The following KLRG1 variants were observed in gnomAD, a reference collection of about 807,000 sequenced individuals.
KLRG1 encodes the protein killer cell lectin like receptor G1.
KLRG1 carries 16 observed loss-of-function variants against 21.8 expected under a neutral mutation model. The observed-to-expected ratio is 0.73, with a 90% CI of 0.50 to 1.11. KLRG1 has a LOEUF of 1.11. Ranked by LOEUF, KLRG1 falls within the 50% of genes most tolerant of loss-of-function variation. The pLI, the probability that KLRG1 is intolerant of heterozygous loss-of-function variation, is 0.00. For missense variants in KLRG1, 173 were observed against 218.3 expected, an observed-to-expected ratio of 0.79 and a Z score of 1.31; for synonymous variants, 69 against 75.9, an observed-to-expected ratio of 0.91 and a Z score of 0.47.
chr12:9,160,324 A>T, the KLRG1 span: 6 of 1,610,312 alleles, frequency 3.7e-6, no homozygotes, highest in African/African-American at 8.0e-5. Context: ...CAGTGATGAG[A>T]TAGCCAACGG....
At chr12:9,021,870 C>G in the KLRG1 span, among the ~76,000 whole-genome samples, 1 of 152,140 alleles carries the variant, frequency 6.6e-6, no homozygotes. Flanking sequence ...CCTTCTTCTG[C>G]AACACCTCCT....
the KLRG1 span, chr12:9,058,598 C>G: frequency 6.6e-6 from 1 of 152,160 alleles, no homozygotes; most frequent in African/African-American, 2.4e-5. Context: ...CTGGCCTCCC[C>G]CAACCCTCTT....
chr12:8,985,812 T>C (rs1417551180), upstream of KLRG1, among the ~76,000 whole-genome samples: 1 of 152,216 alleles, frequency 6.6e-6, no homozygotes, highest in East Asian at 1.9e-4. Flanking sequence ...GACACAGTTC[T>C]CTTGGGTTTT....
the KLRG1 span, among the ~76,000 whole-genome samples, chr12:9,168,091 ACAAT>A: frequency 6.6e-6 from 1 of 152,330 alleles, no homozygotes; most frequent in Admixed American, 6.5e-5. Flanking sequence ...TGCTATTTAA[ACAAT>A]CAAAGTTCTT....
the KLRG1 span, among the ~76,000 whole-genome samples, chr12:9,207,728 A>G: frequency 1.3e-5 from 2 of 152,218 alleles, no homozygotes; most frequent in Non-Finnish European, 2.9e-5. Flanking sequence ...TCTAGACACT[A>G]TAGAGGAGAG....
chr12:9,023,342 A>G, the KLRG1 span, among the ~76,000 whole-genome samples: 2 of 152,196 alleles, frequency 1.3e-5, no homozygotes, highest in Non-Finnish European at 2.9e-5. Context: ...ATTTGGTCAC[A>G]AAAGCATTTT....
At chr12:9,180,839 A>G in the KLRG1 span, 1 of 761,222 alleles carries the variant, frequency 1.3e-6, no homozygotes, top group Non-Finnish European at 2.0e-6. Flanking sequence ...ACAGCAAAAG[A>G]AACTACCATC....
At chr12:9,168,244 A>G in the KLRG1 span, among the ~76,000 whole-genome samples, 1 of 152,198 alleles carries the variant, frequency 6.6e-6, no homozygotes, top group African/African-American at 2.4e-5. Flanking sequence ...CACTTCACAT[A>G]TAGGATATCT....
At chr12:9,020,779 C>T in the KLRG1 span, among the ~76,000 whole-genome samples, 2 of 152,078 alleles carry the variant, frequency 1.3e-5, no homozygotes, top group African/African-American at 2.4e-5. Context: ...GGCTAAATGC[C>T]TAGGAAGTGG....
the KLRG1 span, chr12:9,196,245 TA>T: frequency 1.1e-6 from 1 of 886,792 alleles, no homozygotes; most frequent in Non-Finnish European, 1.8e-6. Context: ...CTGATAACAC[TA>T]ACCAAGTGTG....
At chr12:8,993,005 G>A (rs1453514992) in intron 2 of KLRG1, among the ~76,000 whole-genome samples, 1 of 150,238 alleles carries the variant, frequency 6.7e-6, no homozygotes, top group Non-Finnish European at 1.5e-5. Flanking sequence ...TATTTATTGG[G>A]ATGATTGAAT....
chr12:8,970,144 A>G (rs1423906836), intron 1 of KLRG1, among the ~76,000 whole-genome samples: 1 of 152,134 alleles, frequency 6.6e-6, no homozygotes, highest in Non-Finnish European at 1.5e-5. Context: ...AAGCAAAACA[A>G]CCACGATAAT....
intron 4 of KLRG1, 91 bp downstream of exon 4, chr12:9,009,166 T>C: frequency 2.0e-6 from 2 of 1,012,388 alleles, no homozygotes; most frequent in Non-Finnish European, 2.9e-6. Context: ...GAAGAGCAGA[T>C]GGAGAGGAGA....
chr12:8,951,395 G>A (rs150471336), intron 1 of KLRG1, among the ~76,000 whole-genome samples: 102 of 152,278 alleles, frequency 6.7e-4, no homozygotes, highest in Non-Finnish European at 1.3e-3. Flanking sequence ...CTTGAGCCTG[G>A]GAGTTGGAGG....
chr12:9,164,265 A>G, the KLRG1 span: 2 of 1,612,078 alleles, frequency 1.2e-6, no homozygotes, highest in Non-Finnish European at 1.7e-6. Flanking sequence ...CTGACCTATC[A>G]CCCCATGTGA....
At chr12:9,175,684 C>T in the KLRG1 span, among the ~76,000 whole-genome samples, 90,294 of 152,038 alleles carry the variant, frequency 0.59, 27,751 homozygotes, top group East Asian at 0.83. Context: ...AACATACATA[C>T]AGCCAACAAA....
rs1178561231 is a variant in KLRG1, at chr12:8,978,649, T to TTTCC, written c.-155-13554_-155-13553insCTTC. Among the ~76,000 whole-genome samples, 575 of 90,558 alleles carry TTTCC rather than the reference T, an allele frequency of 6.3e-3. 3 individuals carry two copies. Among genetic ancestry groups the TTTCC allele is most frequent in the African/African-American group, 0.014 (378 of 26,898 alleles). The allele number at this position is 90,558 out of a possible 152,430, so 59.4% of individuals were successfully genotyped here. ...TTTTTCTTTTTCTTTCTTTTCTTTC[T>TTTCC]TTCTTTCTTTCTTTCTTTCTTTCTT... On this transcript the variant is annotated intron_variant, in intron 1 of 4. Coordinates refer to the KLRG1 transcript ENST00000539240.
the KLRG1 span, chr12:9,091,227 G>A: frequency 3.7e-6 from 6 of 1,614,180 alleles, no homozygotes; most frequent in Non-Finnish European, 5.1e-6. Flanking sequence ...AGGTAGTTTA[G>A]GACCGTGGCC....
chr12:9,106,657 A>C, the KLRG1 span: 1 of 914,282 alleles, frequency 1.1e-6, no homozygotes, highest in Admixed American at 2.2e-5. Flanking sequence ...TATACTAAAT[A>C]GATCAGTGGT....
Sources: gnomAD v4.1 joint callset for allele counts (sites outside exome capture counted in the v4.1 genomes callset) on GRCh38, gnomAD v4.1.1 for gene constraint, MANE v1.5 for transcripts, NCBI Gene and HGNC (gene_info 2026-07-23, HGNC 2026-07-21) for gene names.